Variants in MYH11 observed in about 807,000 individuals in gnomAD.
MYH11 encodes myosin-11.
Under a neutral mutation model 246.6 loss-of-function variants are expected in MYH11, and 80 were observed. The observed-to-expected ratio is 0.32, with a 90% CI of 0.27 to 0.39. MYH11 has a LOEUF of 0.39. Ranked by LOEUF, MYH11 falls within the 10% of genes least tolerant of loss-of-function variation. MYH11 has a pLI of 1.00. For missense variants in MYH11, 2,158 were observed against 2,546.8 expected (o/e 0.85, Z 3.29); for synonymous variants, 1,071 against 1,015.5 (o/e 1.05, Z -1.04).
rs763514919 is a variant in MYH11, at chr16:15,741,494, G to T, written c.2828C>A (p.Ala943Asp). 8 of 1,608,762 alleles carry T rather than the reference G, an allele frequency of 5.0e-6. No individual in the cohort carries two copies. The highest frequency in any genetic ancestry group is 6.8e-6 in the Non-Finnish European group (8 of 1,180,008). Reference protein sequence around the residue: ...EEEDRGQQLQAERKKMAQQML... With the variant: ...EEEDRGQQLQDERKKMAQQML... ...CTGCTGGGCCATCTTCTTCCTTTCAGCCTGTAGCTGCTGGCCCCTGTCTTC... is the reference window on the plus strand; with the variant it reads ...CTGCTGGGCCATCTTCTTCCTTTCATCCTGTAGCTGCTGGCCCCTGTCTTC... Residue 943 changes from alanine (A) to aspartate (D), a missense_variant, in exon 22 of 41, where the codon GCT becomes GAT. Around this residue, in one of 11 missense-constraint regions of MYH11, gnomAD observed 284 missense variants for 315.4 expected, o/e 0.90. Coordinates refer to ENST00000300036, the MANE Select transcript of MYH11 (RefSeq NM_002474.3).
chr16:15,739,944 G>C, intron 23 of MYH11, 107 bp downstream of exon 23: 1 of 1,209,142 alleles, frequency 8.3e-7, no homozygotes, highest in Non-Finnish European at 1.2e-6. Flanking sequence ...GTTTTACCCT[G>C]TTGGCCAGGC....
rs28491819 is a variant in MYH11, at chr16:15,789,326, C to T, written c.531-2594G>A. On this transcript the variant is annotated intron_variant, in intron 4 of 40. Transcript: ENST00000300036. The stretch of plus-strand genomic sequence containing the variant: ...AATTGATATTTGTTGAAGGCCTGCA[C>T]AGTACTAGGCTTTGGGCTCACAGAT... Among the ~76,000 whole-genome samples, 679 of 152,292 alleles carry T rather than the reference C, an allele frequency of 4.5e-3. 4 individuals are homozygous for T. The highest frequency in any genetic ancestry group is 0.016 in the African/African-American group (649 of 41,568).
intron 1 of MYH11, among the ~76,000 whole-genome samples, chr16:15,854,621 T>G (rs193097748): frequency 3.3e-5 from 5 of 152,210 alleles, no homozygotes; most frequent in Non-Finnish European, 7.3e-5. Context: ...TTAGCCCCAT[T>G]TCCCGGATGA....
intron 4 of MYH11, among the ~76,000 whole-genome samples, chr16:15,797,843 T>C (rs528379436): frequency 5.3e-4 from 80 of 152,196 alleles, no homozygotes; most frequent in African/African-American, 1.8e-3. Flanking sequence ...CTTTCTGTAG[T>C]GTATTTAGTG....
At chr16:15,705,412 G>C (rs2039393578) in intron 40 of MYH11, among the ~76,000 whole-genome samples, 1 of 152,218 alleles carries the variant, frequency 6.6e-6, no homozygotes, top group Non-Finnish European at 1.5e-5. Flanking sequence ...CACGTGAGGG[G>C]AGACTTTGGG....
At chr16:15,851,271 C>T (rs1327494960) in intron 1 of MYH11, among the ~76,000 whole-genome samples, 1 of 152,046 alleles carries the variant, frequency 6.6e-6, no homozygotes, top group African/African-American at 2.4e-5. Flanking sequence ...CCCAGTAGTA[C>T]CAAAAAGGCA....
Position 15,741,560 on chromosome 16 carries a change from T to C in MYH11, c.2762A>G (p.Glu921Gly). ...VRLAAKKQEL[E>G]EILHEMEARL... ...GGCCTCCATCTCATGCAGTATCTCC[T>C]CCAGCTCCTGCTTCTTGGCCGCCAG... Residue 921 changes from glutamate to glycine, a missense_variant, in exon 22 of 41, where the codon GAG becomes GGG. Glu to Gly is a moderately conservative substitution (Grantham distance 98). This residue lies in a region of MYH11 where 284 missense variants were observed against 315.4 expected (regional missense o/e 0.90). Transcript: ENST00000300036. The C allele has an allele frequency of 6.2e-7, 1 of 1,611,390 alleles. No individual in the cohort carries two copies.
intron 5 of MYH11, chr16:15,784,612 G>T: frequency 6.9e-7 from 1 of 1,443,118 alleles, no homozygotes; most frequent in Non-Finnish European, 9.7e-7. Context: ...CCAGCTACGG[G>T]ACTCGGTGGG....
intron 40 of MYH11, among the ~76,000 whole-genome samples, chr16:15,710,506 C>G (rs771631341): frequency 1.3e-5 from 2 of 151,954 alleles, no homozygotes; most frequent in Non-Finnish European, 2.9e-5. Flanking sequence ...GGCAACAGAG[C>G]TAGACTCCGT....
Position 15,838,190 on chromosome 16 carries a change from G to C in MYH11, c.63C>G (p.Ile21Met), listed in dbSNP as rs755935176. The change falls in exon 2 of 41, where the codon ATC becomes ATG. Residue 21 changes from isoleucine to methionine, a missense_variant. Ile to Met is a conservative substitution (Grantham distance 10). Transcript: ENST00000300036. ...EKFLFVDKNFINSPVAQADWA... is the reference protein window; with the variant it reads ...EKFLFVDKNFMNSPVAQADWA... ...AGTCAGCCTGGGCCACTGGGCTGTT[G>C]ATGAAGTTTTTGTCCACAAAGAGGA... The C allele has an allele frequency of 6.2e-7, 1 of 1,614,118 alleles. No individual in the cohort carries two copies. Among genetic ancestry groups the C allele is most frequent in the Admixed American group, 1.7e-5 (1 of 60,008 alleles).
intron 5 of MYH11, chr16:15,785,833 C>G (rs2042455215): frequency 6.4e-6 from 1 of 155,556 alleles, no homozygotes; most frequent in Admixed American, 6.3e-5. Context: ...CTCCCAAGCT[C>G]TTAGTCATAC....
At chr16:15,751,248 C>T (rs1186298463) in intron 15 of MYH11, among the ~76,000 whole-genome samples, 1 of 151,910 alleles carries the variant, frequency 6.6e-6, no homozygotes, top group Non-Finnish European at 1.5e-5. Flanking sequence ...ACAACGTCCG[C>T]CTCCCGGGTT....
intron 32 of MYH11, 101 bp downstream of exon 32, chr16:15,721,321 G>T (rs2040467759): frequency 2.3e-6 from 3 of 1,331,804 alleles, no homozygotes; most frequent in South Asian, 1.2e-5. Context: ...ATGATAGTTC[G>T]CTATGAAAAA....
At chr16:15,798,408 G>A (rs1241399586) in intron 4 of MYH11, among the ~76,000 whole-genome samples, 2 of 152,092 alleles carry the variant, frequency 1.3e-5, no homozygotes, top group African/African-American at 2.4e-5. Context: ...TTAGAAGGAG[G>A]AGAGGTATGG....
chr16:15,798,810 T>A (rs2042814381), intron 3 of MYH11, 123 bp from the exon 4 acceptor site: 3 of 1,054,090 alleles, frequency 2.8e-6, no homozygotes, highest in Non-Finnish European at 2.9e-6. Flanking sequence ...TCATTGGAAG[T>A]GACAACAGGT....
chr16:15,846,521 G>T (rs1198242155), intron 1 of MYH11, among the ~76,000 whole-genome samples: 8 of 152,126 alleles, frequency 5.3e-5, no homozygotes, highest in Admixed American at 5.2e-4. Context: ...TCATCTGAAT[G>T]CCAGCCCTAT....
chr16:15,823,022 CGGAGCT>C (rs759250749), intron 3 of MYH11, among the ~76,000 whole-genome samples: 3 of 152,272 alleles, frequency 2.0e-5, no homozygotes, highest in African/African-American at 7.2e-5. Flanking sequence ...CAGCGAGCCC[CGGAGCT>C]GGAGCTGGAG....
chr16:15,822,763 A>G (rs1004802927), intron 3 of MYH11, among the ~76,000 whole-genome samples: 5 of 152,226 alleles, frequency 3.3e-5, no homozygotes, highest in Non-Finnish European at 5.9e-5. Context: ...ACATGAAAGT[A>G]ATAGGCACAA....
intron 1 of MYH11, among the ~76,000 whole-genome samples, chr16:15,849,095 A>T (rs2044269626): frequency 6.6e-6 from 1 of 152,162 alleles, no homozygotes; most frequent in Non-Finnish European, 1.5e-5. Context: ...GAAGGGTCTC[A>T]CTATATGCCC....
Sources: allele counts gnomAD v4.1 joint callset (sites outside exome capture counted in the v4.1 genomes callset), GRCh38; gene constraint gnomAD v4.1.1; regional missense constraint gnomAD v4.1.1; transcripts MANE v1.5; gene names NCBI Gene and HGNC (gene_info 2026-07-23, HGNC 2026-07-21).